Variants in VPS13D observed in about 807,000 individuals in gnomAD.
VPS13D encodes the protein intermembrane lipid transfer protein VPS13D.
A neutral mutation model predicts 461.9 loss-of-function variants in VPS13D; 187 were observed. That is an observed-to-expected ratio of 0.40 (90% CI 0.36 to 0.46). The LOEUF is 0.46. VPS13D is among the 20% of genes least tolerant of loss of function. VPS13D has a pLI of 0.60. For missense variants in VPS13D, 4,711 were observed against 5,364.9 expected, an observed-to-expected ratio of 0.88 and a Z score of 3.81; for synonymous variants, 1,951 against 1,986.3, an observed-to-expected ratio of 0.98 and a Z score of 0.47.
intron 52 of VPS13D, among the ~76,000 whole-genome samples, chr1:12,363,573 T>C (rs996606516): frequency 6.6e-6 from 1 of 152,214 alleles, no homozygotes; most frequent in African/African-American, 2.4e-5. Flanking sequence ...TCTGACATAT[T>C]TATACAAAAC....
Position 12,333,304 on chromosome 1 carries a change from G to A in VPS13D, c.8366G>A (p.Arg2789Gln), listed in dbSNP as rs1643376788. 2.5e-6 allele frequency: 4 copies of A among 1,614,076 alleles called. No individual in the cohort carries two copies. The Admixed American group carries it at 5.0e-5, about 20-fold the overall frequency. ...GCAGCTAGTCGTCTCCATCCTCCTC[G>A]ACTGAAGCTAGAAGCCAAGGCCAAA... is the stretch of plus-strand genomic sequence containing the variant. ...QQAASRLHPP[R>Q]LKLEAKAKPR... The change falls in exon 38 of 70, where the codon CGA (arginine) becomes CAA (glutamine). Residue 2789 changes from arginine (R) to glutamine (Q), a missense_variant. Coordinates refer to ENST00000620676, the MANE Select transcript of VPS13D (RefSeq NM_015378.4).
In VPS13D at chr1:12,443,969, C is replaced by T. The variant is rs1019946901; in HGVS notation, c.12334-12029C>T. On this transcript the variant is annotated intron_variant, in intron 65 of 69. Transcript: ENST00000620676. ...CAAACGATTTTCCCACCTCAGCCCC[C>T]TGAGTAGCTGGGATTACAGGCACCC... 2.6e-4 allele frequency among the ~76,000 whole-genome samples: 39 copies of T among 152,200 alleles called. 3 individuals carry two copies. The highest frequency in any genetic ancestry group is 2.0e-3 in the Admixed American group (31 of 15,280).
chr1:12,354,277 A>G, intron 47 of VPS13D, 56 bp downstream of exon 47: 4 of 1,586,856 alleles, frequency 2.5e-6, no homozygotes, highest in Non-Finnish European at 3.4e-6. Context: ...ATCAATGAGT[A>G]TTTTGTGATT....
intron 20 of VPS13D, among the ~76,000 whole-genome samples, chr1:12,280,710 A>G (rs1250708121): frequency 6.6e-6 from 1 of 151,868 alleles, no homozygotes; most frequent in Non-Finnish European, 1.5e-5. Context: ...GCTGGTCTTG[A>G]ACTCCTTGCT....
At chr1:12,261,620 G>A (rs548757247) in intron 12 of VPS13D, among the ~76,000 whole-genome samples, 2 of 152,174 alleles carry the variant, frequency 1.3e-5, no homozygotes, top group Non-Finnish European at 2.9e-5. Context: ...TCGCAGATGC[G>A]GACCATTTCA....
chr1:12,408,004 C>T (rs1644677194), intron 63 of VPS13D, among the ~76,000 whole-genome samples: 2 of 152,212 alleles, frequency 1.3e-5, no homozygotes, highest in East Asian at 1.9e-4. Context: ...GTTTTCCCAG[C>T]GTGTTTATTT....
chr1:12,354,316 TG>T lies in VPS13D; in HGVS notation c.9679+99del, dbSNP rs1392128230. 51 of 1,450,936 alleles carry T rather than the reference TG, an allele frequency of 3.5e-5. No individual in the cohort carries two copies. The East Asian group carries it at 4.3e-4, about 12-fold the overall frequency. 89.9% of individuals were successfully genotyped at this position (1,450,936 alleles called of 1,614,324 possible). ...TATTTGGTAAGCATCTTGGAGAAAT[TG>T]GGGCACATATAATATCTCAATAAGC... On this transcript the variant is annotated intron_variant, in intron 47 of 69. Transcript: ENST00000620676.
At chr1:12,383,186 ACT>A (rs1454009895) in intron 58 of VPS13D, 31 bp downstream of exon 58, 1 of 1,582,468 alleles carries the variant, frequency 6.3e-7, no homozygotes, top group Non-Finnish European at 8.6e-7. Context: ...CTGATGTGAA[ACT>A]CTGTACTTCC....
chr1:12,359,565 C>G (rs1490802433), intron 50 of VPS13D, among the ~76,000 whole-genome samples: 5 of 152,114 alleles, frequency 3.3e-5, no homozygotes, highest in African/African-American at 1.2e-4. Context: ...GGACAGTATG[C>G]ACATAGTGTC....
At chr1:12,474,209 C>T (rs1645599922) in intron 67 of VPS13D, among the ~76,000 whole-genome samples, 1 of 152,138 alleles carries the variant, frequency 6.6e-6, no homozygotes, top group Non-Finnish European at 1.5e-5. Flanking sequence ...GCATGCGACC[C>T]TGTAACAGCT....
chr1:12,311,706 T>A (rs927803641), intron 28 of VPS13D, 81 bp downstream of exon 28: 7 of 1,587,226 alleles, frequency 4.4e-6, no homozygotes, highest in Non-Finnish European at 6.0e-6. Context: ...TCAAACTCAC[T>A]TGGAGAAAGA....
intron 25 of VPS13D, among the ~76,000 whole-genome samples, chr1:12,303,791 G>A (rs1642487530): frequency 6.6e-6 from 1 of 152,224 alleles, no homozygotes; most frequent in African/African-American, 2.4e-5. Context: ...AGGCCTCCAT[G>A]AAGAAGCCCT....
intron 67 of VPS13D, among the ~76,000 whole-genome samples, chr1:12,496,555 A>G (rs185217592): frequency 1.3e-5 from 2 of 152,202 alleles, no homozygotes; most frequent in Non-Finnish European, 2.9e-5. Context: ...CTGTCTAGAG[A>G]GGAGTGTTTT....
rs1645223641 is a variant in VPS13D, at chr1:12,448,611, T to C, written c.12334-7387T>C. 2.0e-5 allele frequency among the ~76,000 whole-genome samples: 3 copies of C among 152,186 alleles called. No individual in the cohort carries two copies. The South Asian group carries it at 6.2e-4, about 32-fold the overall frequency. On this transcript the variant is annotated intron_variant, in intron 65 of 69. Coordinates refer to ENST00000620676, the MANE Select transcript of VPS13D (RefSeq NM_015378.4). Reference sequence around the variant, plus strand: ...TTCCATCCACAGCTGGGCTTCAGGATTCATCCTTCCTTCATAATTCTTTAT... The same window carrying C: ...TTCCATCCACAGCTGGGCTTCAGGACTCATCCTTCCTTCATAATTCTTTAT...
intron 67 of VPS13D, among the ~76,000 whole-genome samples, chr1:12,475,779 A>G (rs181292581): frequency 6.6e-6 from 1 of 152,346 alleles, no homozygotes; most frequent in Admixed American, 6.5e-5. Context: ...TACATCAAAT[A>G]AAATGTCCAG....
chr1:12,241,060 C>T (rs1458259222), intron 2 of VPS13D, among the ~76,000 whole-genome samples: 3 of 152,102 alleles, frequency 2.0e-5, no homozygotes, highest in Non-Finnish European at 4.4e-5. Context: ...CCTGCCTCAG[C>T]CTCCCCAGTA....
Position 12,502,039 on chromosome 1 carries a change from C to T in VPS13D, c.12794+4408C>T, listed in dbSNP as rs1291868596. The stretch of plus-strand genomic sequence containing the variant: ...AGCAGAGGCTGGAAGGGTGGGTTCC[C>T]AGGCCTGTTGCTGAAGGCTGACCTT... On this transcript the variant is annotated intron_variant, in intron 68 of 69. Coordinates refer to ENST00000620676, the MANE Select transcript of VPS13D (RefSeq NM_015378.4). The surrounding 1 kb of genome is among the most constrained non-coding windows in gnomAD (Gnocchi z 4.3). 6.6e-6 allele frequency among the ~76,000 whole-genome samples: 1 copy of T among 152,154 alleles called. No homozygotes were observed. Among genetic ancestry groups the T allele is most frequent in the African/African-American group, 2.4e-5 (1 of 41,434 alleles).
chr1:12,444,488 C>T (rs983550728), intron 65 of VPS13D, among the ~76,000 whole-genome samples: 7 of 152,106 alleles, frequency 4.6e-5, no homozygotes, highest in African/African-American at 1.4e-4. Context: ...TCTTTCTTTT[C>T]CTTCTGTGAC....
intron 35 of VPS13D, among the ~76,000 whole-genome samples, chr1:12,324,236 G>A (rs537754353): frequency 3.3e-5 from 5 of 152,246 alleles, no homozygotes; most frequent in South Asian, 2.1e-4. Context: ...GGCCAGGTGC[G>A]GTGGCTCATG....
Sources: gnomAD v4.1 joint callset for allele counts (sites outside exome capture counted in the v4.1 genomes callset) on GRCh38, gnomAD v4.1.1 for gene constraint, Gnocchi (gnomAD v3.1) non-coding constraint, MANE v1.5 for transcripts, NCBI Gene and HGNC (gene_info 2026-07-23, HGNC 2026-07-21) for gene names.